ATRN: variants seen among roughly 807,000 people sequenced by gnomAD.
ATRN encodes the protein attractin.
A neutral mutation model predicts 178.7 loss-of-function variants in ATRN; 54 were observed. The observed-to-expected ratio is 0.30, with a 90% CI of 0.24 to 0.38. The LOEUF (loss-of-function observed/expected upper bound fraction) is 0.38, where lower values mean the gene tolerates loss of function less well. Ranked by LOEUF, ATRN falls within the 10% of genes least tolerant of loss-of-function variation. ATRN has a pLI of 1.00. For missense variants in ATRN, 1,443 were observed against 1,815.1 expected (o/e 0.79, Z 3.73); for synonymous variants, 636 against 663.0 (o/e 0.96, Z 0.63).
At chr20:3,512,707 A>G (rs1216023299) in intron 1 of ATRN, among the ~76,000 whole-genome samples, 1 of 152,202 alleles carries the variant, frequency 6.6e-6, no homozygotes, top group African/African-American at 2.4e-5. Flanking sequence ...TGGTTGAGCT[A>G]GTTTACAGTC....
chr20:3,602,789 T>TC (rs2086627755), intron 23 of ATRN, among the ~76,000 whole-genome samples: 1 of 151,200 alleles, frequency 6.6e-6, no homozygotes, highest in Non-Finnish European at 1.5e-5. Flanking sequence ...CATGGTGAAA[T>TC]CCCGTCCCTA....
At chr20:3,600,406 TTA>T (rs1279708198) in intron 22 of ATRN, among the ~76,000 whole-genome samples, 1 of 152,200 alleles carries the variant, frequency 6.6e-6, no homozygotes, top group Non-Finnish European at 1.5e-5. Flanking sequence ...TATAATAAAA[TTA>T]TTTTTTAAAT....
chr20:3,490,433 A>G (rs1279874742), intron 1 of ATRN: 2 of 924,132 alleles, frequency 2.2e-6, no homozygotes, highest in Non-Finnish European at 3.6e-6. Flanking sequence ...CTATCTGTGT[A>G]ATCCTGAAGT....
rs1398690887 is a variant in ATRN, at chr20:3,596,226, TC to T, written c.3417-149del. The T allele has an allele frequency of 6.7e-6, 5 of 751,734 alleles. No homozygotes were observed. In the East Asian group the frequency reaches 1.1e-4, roughly 16 times the overall value. 46.6% of individuals were successfully genotyped at this position (751,734 alleles called of 1,614,324 possible). ...GTATTGAAGCGTTCATGCATGCTCT[TC>T]CTAGACTGCCTGAGCTGAGTTATGG... On this transcript the variant is annotated intron_variant, in intron 20 of 28. Transcript: ENST00000262919.
chr20:3,524,732 A>T (rs1207912982), intron 1 of ATRN, among the ~76,000 whole-genome samples: 2 of 152,224 alleles, frequency 1.3e-5, no homozygotes, highest in African/African-American at 4.8e-5. Context: ...AGTGCAATCA[A>T]ATTAGAACTC....
At chr20:3,630,916 C>CTTTTTTTTTTTTTTTTTT (rs368394749) in intron 25 of ATRN, among the ~76,000 whole-genome samples, 2 of 43,426 alleles carry the variant, frequency 4.6e-5, no homozygotes. Flanking sequence ...ATTTATTTAG[C>CTTTTTTTTTTTTTTTTTT]TTTTTTTTTT....
At chr20:3,548,600 CAAAAAAAAA>C (rs58357636) in intron 5 of ATRN, among the ~76,000 whole-genome samples, 1 of 114,376 alleles carries the variant, frequency 8.7e-6, no homozygotes, top group Non-Finnish European at 1.8e-5. Context: ...GACTCCATCT[CAAAAAAAAA>C]AAAAAAAAAA....
intron 3 of ATRN, among the ~76,000 whole-genome samples, chr20:3,543,144 C>G (rs1313383231): frequency 6.6e-6 from 1 of 152,184 alleles, no homozygotes; most frequent in Non-Finnish European, 1.5e-5. Context: ...TTCTTTCCCT[C>G]TGCTCTCTTT....
At chr20:3,615,678 T>G in intron 24 of ATRN, 1 of 386,556 alleles carries the variant, frequency 2.6e-6, no homozygotes, top group Non-Finnish European at 5.3e-6. Context: ...GCCTCAGCCT[T>G]GCGAGTAGCT....
In ATRN at chr20:3,576,911, G is replaced by A; in HGVS notation, c.2267G>A (p.Cys756Tyr). 6.2e-7 allele frequency: 1 copy of A among 1,614,094 alleles called. No homozygotes were observed. Among genetic ancestry groups the A allele is most frequent in the Non-Finnish European group, 8.5e-7 (1 of 1,180,004 alleles). The change falls in exon 14 of 29, where the codon TGT (cysteine) becomes TAT (tyrosine). Residue 756 changes from cysteine (C) to tyrosine (Y), a missense_variant. Transcript: ENST00000262919. ...NCPKDNPMYY[C>Y]NKKTSCRSCA... is the part of the protein sequence containing the mutation. Reference sequence around the variant, plus strand: ...CCCAAGGATAACCCCATGTACTACTGTAACAAGAAGACCAGCTGCAGGAGC... The same window carrying A: ...CCCAAGGATAACCCCATGTACTACTATAACAAGAAGACCAGCTGCAGGAGC...
chr20:3,561,323 AAAACAAAC>A (rs367861969), intron 8 of ATRN, among the ~76,000 whole-genome samples: 5 of 152,046 alleles, frequency 3.3e-5, no homozygotes, highest in Admixed American at 6.5e-5. Flanking sequence ...ACTCCGTCTC[AAAACAAAC>A]AAACAAACAA....
At position 3,570,309 on chromosome 20, in the gene ATRN, G is replaced by A. The variant is rs557887676; in HGVS notation, c.1872-2422G>A. On this transcript the variant is annotated intron_variant, in intron 11 of 28. Transcript: ENST00000262919. ...GGTTGTTTGTCCTGTAGAGTTTCCC[G>A]TAGTCCAGATTTTGATTATTGTATC... 3.9e-5 allele frequency among the ~76,000 whole-genome samples: 6 copies of A among 152,104 alleles called. No homozygotes were observed. In the South Asian group the frequency reaches 6.2e-4, roughly 16 times the overall value.
At chr20:3,594,442 G>A (rs1396247129) in intron 19 of ATRN, 37 bp from the exon 20 acceptor site, 16 of 1,536,392 alleles carry the variant, frequency 1.0e-5, no homozygotes, top group Non-Finnish European at 1.4e-5. Context: ...AATTTTTTAA[G>A]CCAGTTGTGA....
At chr20:3,485,434 A>T (rs1041939965) in intron 1 of ATRN, among the ~76,000 whole-genome samples, 1 of 152,216 alleles carries the variant, frequency 6.6e-6, no homozygotes, top group East Asian at 1.9e-4. Context: ...CTGCACATAG[A>T]AGGTGGCCTG....
intron 1 of ATRN, among the ~76,000 whole-genome samples, chr20:3,472,096 C>T (rs2084438642): frequency 6.6e-6 from 1 of 152,146 alleles, no homozygotes; most frequent in Non-Finnish European, 1.5e-5. Flanking sequence ...CAAAAGCTCC[C>T]TGGAGGTGGC....
Position 3,648,861 on chromosome 20 carries a change from G to A in ATRN, c.*2014G>A, listed in dbSNP as rs2087126045. 1 of 152,098 alleles carries A rather than the reference G, an allele frequency of 6.6e-6. No homozygotes were observed. The highest frequency in any genetic ancestry group is 2.4e-5 in the African/African-American group (1 of 41,410). 9.4% of individuals were successfully genotyped at this position (152,098 alleles called of 1,614,324 possible). On this transcript the variant is annotated 3_prime_UTR_variant, in exon 29 of 29. Transcript: ENST00000262919. ...GGCCCCCCCAGCAAGGCCAAAGGGA[G>A]GCCCCTGGGTATTGTCCTCCTACAA... is the stretch of plus-strand genomic sequence containing the variant.
At chr20:3,588,917 T>G (rs2086395914) in intron 18 of ATRN, among the ~76,000 whole-genome samples, 1 of 151,868 alleles carries the variant, frequency 6.6e-6, no homozygotes, top group Non-Finnish European at 1.5e-5. Flanking sequence ...AATCTGTTTT[T>G]CTAGGAATTT....
rs757929635 is a variant in ATRN at position 3,638,872 on chromosome 20, C to A, written c.3987C>A (p.Ala1329=). The change falls in exon 27 of 29, where the codon GCC becomes GCA. Residue 1329 remains alanine, a synonymous_variant. Coordinates refer to ENST00000262919, the MANE Select transcript of ATRN (RefSeq NM_139321.3). The surrounding 1 kb of genome is among the most constrained non-coding windows in gnomAD (Gnocchi z 4.5). ...EMQQMASRPF[A]SVNVALETDE... ...AACAGATGGCCAGCCGTCCCTTTGC[C>A]TCTGTAAATGTCGCCTTGGAAACAG... 4 of 1,614,066 alleles carry A rather than the reference C, an allele frequency of 2.5e-6. No homozygotes were observed. Among genetic ancestry groups the A allele is most frequent in the African/African-American group, 2.7e-5 (2 of 74,918 alleles).
Position 3,632,042 on chromosome 20 carries a change from A to T in ATRN, c.3864-2269A>T, listed in dbSNP as rs1438628929. On this transcript the variant is annotated intron_variant, in intron 25 of 28. Coordinates refer to ENST00000262919, the MANE Select transcript of ATRN (RefSeq NM_139321.3). This position sits in a 1 kb window ranked among gnomAD's most constrained non-coding sequence, Gnocchi z 4.2. ...TGCTTGAAATACCATATATATCCTT[A>T]TGCCTTCCAAATGCCATGCCCAGCC... is the stretch of plus-strand genomic sequence containing the variant. 1.3e-5 allele frequency among the ~76,000 whole-genome samples: 2 copies of T among 151,912 alleles called. No homozygotes were observed.
Sources: allele counts gnomAD v4.1 joint callset (sites outside exome capture counted in the v4.1 genomes callset), GRCh38; gene constraint gnomAD v4.1.1; non-coding constraint Gnocchi (gnomAD v3.1); transcripts MANE v1.5; gene names NCBI Gene and HGNC (gene_info 2026-07-23, HGNC 2026-07-21).